Variants in BCAS3 observed in about 807,000 individuals in gnomAD.
The protein encoded by BCAS3 is BCAS3 microtubule associated cell migration factor, also known as BCAS4/BCAS3 fusion.
Under a neutral mutation model 116.1 loss-of-function variants are expected in BCAS3, and 53 were observed. The ratio of observed to expected loss-of-function variants is 0.46; its 90% CI spans 0.37 to 0.57. BCAS3 has a LOEUF of 0.57. Ranked by LOEUF, BCAS3 falls within the 20% of genes least tolerant of loss-of-function variation. The probability of loss-of-function intolerance (pLI) is 0.00; values close to 1 mark genes in which losing one functional copy is unlikely to be tolerated. For missense variants in BCAS3, 917 were observed against 1,165.4 expected, an observed-to-expected ratio of 0.79 and a Z score of 3.10; for synonymous variants, 391 against 408.2, an observed-to-expected ratio of 0.96 and a Z score of 0.51.
intron 22 of BCAS3, among the ~76,000 whole-genome samples, chr17:61,232,200 G>GAA (rs71148394): frequency 0.02 from 1,458 of 72,152 alleles, 48 homozygotes; most frequent in African/African-American, 0.042. Context: ...GAAAGACTCC[G>GAA]AAAAAAAAAA....
At chr17:61,305,660 C>T (rs1235791682) in intron 22 of BCAS3, among the ~76,000 whole-genome samples, 1 of 152,212 alleles carries the variant, frequency 6.6e-6, no homozygotes, top group Non-Finnish European at 1.5e-5. Context: ...CTCTGGGAGG[C>T]TGAGGCGGGC....
intron 6 of BCAS3, among the ~76,000 whole-genome samples, chr17:60,754,410 T>C (rs921049184): frequency 6.6e-6 from 1 of 151,984 alleles, no homozygotes; most frequent in Non-Finnish European, 1.5e-5. Flanking sequence ...TGGAGTGCAA[T>C]GGCGTGGTCG....
chr17:61,289,060 C>T (rs56834327), intron 22 of BCAS3, among the ~76,000 whole-genome samples: 33,682 of 152,288 alleles, frequency 0.22, 5,186 homozygotes, highest in African/African-American at 0.44. Flanking sequence ...GTGCACCCTC[C>T]TTTCCACCCC....
At chr17:60,896,592 C>T (rs73320650) in intron 10 of BCAS3, among the ~76,000 whole-genome samples, 46,323 of 149,078 alleles carry the variant, frequency 0.31, 12,061 homozygotes, top group African/African-American at 0.72. Flanking sequence ...TTTTTTTTTT[C>T]CAGCTGTTTT....
chr17:61,022,508 T>C (rs2065949495), intron 16 of BCAS3, among the ~76,000 whole-genome samples: 1 of 152,192 alleles, frequency 6.6e-6, no homozygotes, highest in Non-Finnish European at 1.5e-5. Context: ...CCTCCCAAAG[T>C]GCTGGAATTA....
In BCAS3 at chr17:61,364,674, C is replaced by T. The variant is rs779037138; in HGVS notation, c.2426-3653C>T. On this transcript the variant is annotated intron_variant, in intron 22 of 23. Transcript: ENST00000407086. The surrounding 1 kb of genome is among the most constrained non-coding windows in gnomAD (Gnocchi z 5.4). ...AGTGAGCCGTGATTGCACCACTGCA[C>T]TTTGGTCTGGGCAAAAGAGTGAGAC... Among the ~76,000 whole-genome samples the T allele has an allele frequency of 7.2e-5, 11 of 152,214 alleles. No individual in the cohort carries two copies. The highest frequency in any genetic ancestry group is 1.6e-4 in the Non-Finnish European group (11 of 68,036).
rs754563336 is a variant in BCAS3, at chr17:61,220,758, G to A, written c.2425+136194G>A. Among the ~76,000 whole-genome samples the A allele has an allele frequency of 1.3e-5, 2 of 152,194 alleles. No individual in the cohort carries two copies. Among genetic ancestry groups the A allele is most frequent in the Non-Finnish European group, 2.9e-5 (2 of 68,028 alleles). Reference sequence around the variant, plus strand: ...GTTGTTGGTGTGATACAAGAACTTGGTCTAATCAGGAGGAGCCTCTGAGGA... The same window carrying A: ...GTTGTTGGTGTGATACAAGAACTTGATCTAATCAGGAGGAGCCTCTGAGGA... On this transcript the variant is annotated intron_variant, in intron 22 of 23. Transcript: ENST00000407086. The surrounding 1 kb of genome is among the most constrained non-coding windows in gnomAD (Gnocchi z 4.5).
At chr17:61,247,522 T>C (rs554053461) in intron 22 of BCAS3, among the ~76,000 whole-genome samples, 10 of 152,264 alleles carry the variant, frequency 6.6e-5, no homozygotes, top group African/African-American at 2.4e-4. Context: ...TAAAATAAAA[T>C]GTTCTTTGTC....
chr17:60,699,653 G>A (rs142587417), intron 4 of BCAS3, among the ~76,000 whole-genome samples: 1,810 of 152,234 alleles, frequency 0.012, 15 homozygotes, highest in Non-Finnish European at 0.018. Flanking sequence ...AAAAGAAAAT[G>A]GGCATTAAAG....
Position 61,089,616 on chromosome 17 carries a change from G to A in BCAS3, c.2425+5052G>A, listed in dbSNP as rs375492023. Among the ~76,000 whole-genome samples, 179 of 130,994 alleles carry A rather than the reference G, an allele frequency of 1.4e-3. 1 individual carries two copies. Among genetic ancestry groups the A allele is most frequent in the African/African-American group, 4.2e-3 (148 of 35,194 alleles). 85.9% of individuals were successfully genotyped at this position (130,994 alleles called of 152,430 possible). A position where few individuals can be genotyped will look rare whatever the true frequency, so the allele number is the denominator to read the frequency against. ...ACGATCTCAGCTCACTGCAACCTCC[G>A]CCTCCTGGGTTCAAGCCATTCTCCT... On this transcript the variant is annotated intron_variant, in intron 22 of 23. Transcript: ENST00000407086.
chr17:60,924,519 T>TC lies in BCAS3; in HGVS notation c.1087+19_1087+20insC. The stretch of plus-strand genomic sequence containing the variant: ...ACAAGTGGTAAGTTCGCTCTCTGTC[T>TC]TTTTTTTTTTTTTTTTTGTAGACCA... On this transcript the variant is annotated intron_variant, in intron 13 of 23. Transcript: ENST00000407086. 1 of 299,226 alleles carries TC rather than the reference T, an allele frequency of 3.3e-6. No homozygotes were observed. The allele number at this position is 299,226 out of a possible 1,614,324, so 18.5% of individuals were successfully genotyped here. A position where few individuals can be genotyped will look rare whatever the true frequency, so the allele number is the denominator to read the frequency against.
At chr17:60,898,290 T>C (rs9894729) in intron 10 of BCAS3, among the ~76,000 whole-genome samples, 4,316 of 152,296 alleles carry the variant, frequency 0.028, 227 homozygotes, top group African/African-American at 0.099. Flanking sequence ...TTCCTGTGTC[T>C]TTACATTGAT....
In BCAS3 at chr17:61,132,674, C is replaced by G. The variant is rs1272104708; in HGVS notation, c.2425+48110C>G. On this transcript the variant is annotated intron_variant, in intron 22 of 23. Coordinates refer to ENST00000407086, the MANE Select transcript of BCAS3 (RefSeq NM_017679.5). The surrounding 1 kb of genome is among the most constrained non-coding windows in gnomAD (Gnocchi z 5.1). ...CATTCTAGGGAGCAAGAGCACACCA[C>G]TGTACATGCTCCTGGTTTGTGTGCT... is the stretch of plus-strand genomic sequence containing the variant. Among the ~76,000 whole-genome samples, 7 of 152,204 alleles carry G rather than the reference C, an allele frequency of 4.6e-5. No individual in the cohort carries two copies. The highest frequency in any genetic ancestry group is 8.8e-5 in the Non-Finnish European group (6 of 68,038).
At chr17:61,166,227 A>G (rs1018943876) in intron 22 of BCAS3, among the ~76,000 whole-genome samples, 2 of 152,164 alleles carry the variant, frequency 1.3e-5, no homozygotes, top group Non-Finnish European at 2.9e-5. Flanking sequence ...CCTATAAAGT[A>G]TCTTATTTAA....
Position 61,332,319 on chromosome 17 carries a change from A to G in BCAS3, c.2426-36008A>G, listed in dbSNP as rs2056360923. On this transcript the variant is annotated intron_variant, in intron 22 of 23. Transcript: ENST00000407086. The surrounding 1 kb of genome is among the most constrained non-coding windows in gnomAD (Gnocchi z 5.4). ...ATGCCCAGCGCTCAGACACCTAGTC[A>G]TCCAGGCCCTGAACATCCTGCTCTG... Among the ~76,000 whole-genome samples, 1 of 152,126 alleles carries G rather than the reference A, an allele frequency of 6.6e-6. No homozygotes were observed. Among genetic ancestry groups the G allele is most frequent in the South Asian group, 2.1e-4 (1 of 4,820 alleles).
At chr17:60,799,817 A>T (rs971875667) in intron 6 of BCAS3, among the ~76,000 whole-genome samples, 22 of 146,796 alleles carry the variant, frequency 1.5e-4, no homozygotes, top group South Asian at 1.3e-3. Flanking sequence ...CGGCCTCCCA[A>T]AGTGCTGGGA....
chr17:60,960,032 C>T lies in BCAS3; in HGVS notation c.1221+12680C>T, dbSNP rs563592717. 3.3e-5 allele frequency among the ~76,000 whole-genome samples: 5 copies of T among 152,204 alleles called. No individual in the cohort carries two copies. Among genetic ancestry groups the T allele is most frequent in the East Asian group, 3.9e-4 (2 of 5,180 alleles). Reference sequence around the variant, plus strand: ...CAACCTGGATAACCCAGGGATAAGCCCCTTCTCTTAGGATTTATAACCTAA... The same window carrying T: ...CAACCTGGATAACCCAGGGATAAGCTCCTTCTCTTAGGATTTATAACCTAA... On this transcript the variant is annotated intron_variant, in intron 14 of 23. Coordinates refer to ENST00000407086, the MANE Select transcript of BCAS3 (RefSeq NM_017679.5). The surrounding 1 kb of genome is among the most constrained non-coding windows in gnomAD (Gnocchi z 4.1).
rs200735364 is a variant in BCAS3, at chr17:61,041,272, TA to T, written c.2029+384del. 7.1e-3 allele frequency among the ~76,000 whole-genome samples: 1,074 copies of T among 152,056 alleles called. 14 individuals carry two copies. The highest frequency in any genetic ancestry group is 0.025 in the African/African-American group (1,023 of 41,520). On this transcript the variant is annotated intron_variant, in intron 19 of 23. Transcript: ENST00000407086. The surrounding 1 kb of genome is among the most constrained non-coding windows in gnomAD (Gnocchi z 4.7). ...AAAAAACCCCAAAACTTAGCACAGTTAAAAGTGCAACTATGAAAACAATGCC... is the reference window on the plus strand; with the variant it reads ...AAAAAACCCCAAAACTTAGCACAGTTAAAGTGCAACTATGAAAACAATGCC...
At chr17:60,833,232 G>A (rs1262498122) in intron 7 of BCAS3, among the ~76,000 whole-genome samples, 1 of 152,148 alleles carries the variant, frequency 6.6e-6, no homozygotes, top group Non-Finnish European at 1.5e-5. Context: ...GTGCTGTCTT[G>A]TGTCTCCAGC....
Sources: gnomAD v4.1 joint callset for allele counts (sites outside exome capture counted in the v4.1 genomes callset) on GRCh38, gnomAD v4.1.1 for gene constraint, Gnocchi (gnomAD v3.1) non-coding constraint, MANE v1.5 for transcripts, NCBI Gene and HGNC (gene_info 2026-07-23, HGNC 2026-07-21) for gene names.